The following DOCK3 variants were observed in gnomAD, a reference collection of about 807,000 sequenced individuals.
DOCK3 encodes dedicator of cytokinesis 3.
A neutral mutation model predicts 265.6 loss-of-function variants in DOCK3; 60 were observed. The ratio of observed to expected loss-of-function variants is 0.23; its 90% confidence interval spans 0.18 to 0.28. The LOEUF (loss-of-function observed/expected upper bound fraction) is 0.28, where lower values mean the gene tolerates loss of function less well. DOCK3 is among the 10% of genes least tolerant of loss of function. The pLI is 1.00. For synonymous variants in DOCK3, 881 were observed against 938.0 expected (o/e 0.94, Z 1.11); for missense variants, 1,981 against 2,594.3 (o/e 0.76, Z 5.14).
At chr3:51,023,212 A>G (rs1041136695) in intron 5 of DOCK3, among the ~76,000 whole-genome samples, 2 of 151,418 alleles carry the variant, frequency 1.3e-5, no homozygotes, top group African/African-American at 4.8e-5. Flanking sequence ...CATTTTATAT[A>G]ATCTCATATT....
intron 52 of DOCK3, 96 bp downstream of exon 52, chr3:51,380,303 C>T: frequency 8.5e-7 from 1 of 1,174,160 alleles, no homozygotes; most frequent in South Asian, 1.5e-5. Context: ...AACTGGAGCC[C>T]TCCCCTTCAC....
rs372982255 is a variant in DOCK3, at chr3:51,358,714, G to C, written c.4884+637G>C. Reference sequence around the variant, plus strand: ...AGGAGTCAAGCAGGTCCTGGGGCTGGACCAGGCTCCTGAAAGTCTCCCTAA... The same window carrying C: ...AGGAGTCAAGCAGGTCCTGGGGCTGCACCAGGCTCCTGAAAGTCTCCCTAA... On this transcript the variant is annotated intron_variant, in intron 46 of 52. Coordinates refer to ENST00000266037, the MANE Select transcript of DOCK3 (RefSeq NM_004947.5). 3.7e-4 allele frequency among the ~76,000 whole-genome samples: 57 copies of C among 152,278 alleles called. 1 individual carries two copies. In the South Asian group the frequency reaches 0.011, roughly 28 times the overall value.
At chr3:51,345,615 T>C (rs1207021947) in intron 38 of DOCK3, among the ~76,000 whole-genome samples, 1 of 149,216 alleles carries the variant, frequency 6.7e-6, no homozygotes, top group Non-Finnish European at 1.5e-5. Flanking sequence ...GAGCAAGACC[T>C]TGTTTCCAAA....
intron 5 of DOCK3, among the ~76,000 whole-genome samples, chr3:50,951,349 G>A (rs116674827): frequency 2.5e-3 from 384 of 152,224 alleles, no homozygotes; most frequent in African/African-American, 8.9e-3. Flanking sequence ...CAGTTCCCAG[G>A]AAGATTCACT....
chr3:50,869,846 A>T (rs2047352539), intron 3 of DOCK3, among the ~76,000 whole-genome samples: 1 of 152,102 alleles, frequency 6.6e-6, no homozygotes, highest in African/African-American at 2.4e-5. Context: ...CTTTCCAGAA[A>T]TTTGTCATTT....
chr3:50,863,700 C>T (rs1440647859), intron 3 of DOCK3, among the ~76,000 whole-genome samples: 2 of 152,162 alleles, frequency 1.3e-5, no homozygotes, highest in African/African-American at 4.8e-5. Flanking sequence ...CCTGGTCAGC[C>T]ATCTTGAGAA....
intron 22 of DOCK3, among the ~76,000 whole-genome samples, chr3:51,251,964 A>G (rs1359214886): frequency 6.6e-6 from 1 of 152,172 alleles, no homozygotes; most frequent in Non-Finnish European, 1.5e-5. Context: ...GGTATTGCCT[A>G]GGTTTTCTTC....
intron 5 of DOCK3, among the ~76,000 whole-genome samples, chr3:51,030,243 A>T (rs1418390149): frequency 6.6e-6 from 1 of 152,162 alleles, no homozygotes; most frequent in Non-Finnish European, 1.5e-5. Context: ...AGAAGAATTT[A>T]TGCTGTTCCT....
intron 5 of DOCK3, among the ~76,000 whole-genome samples, chr3:50,953,963 A>T (rs891122705): frequency 1.3e-5 from 2 of 152,134 alleles, no homozygotes; most frequent in African/African-American, 4.8e-5. Context: ...TTCAACTATC[A>T]TTAAGTGTAT....
chr3:51,004,255 G>A (rs867936401), intron 5 of DOCK3, among the ~76,000 whole-genome samples: 4 of 152,012 alleles, frequency 2.6e-5, no homozygotes, highest in South Asian at 4.2e-4. Context: ...CAGCTACCAC[G>A]TTGTGAGGCA....
chr3:51,089,352 G>A (rs2082549020), intron 8 of DOCK3, 68 bp downstream of exon 8: 1 of 1,526,152 alleles, frequency 6.6e-7, no homozygotes, highest in Non-Finnish European at 8.9e-7. Flanking sequence ...TACAACATAT[G>A]AATACACCAG....
At chr3:50,893,985 AG>A (rs1260007498) in intron 4 of DOCK3, among the ~76,000 whole-genome samples, 1 of 62,048 alleles carries the variant, frequency 1.6e-5, no homozygotes, top group Non-Finnish European at 2.9e-5. Context: ...AGGTGAGGGG[AG>A]GGGGGAGGGG....
chr3:50,784,389 A>C (rs1243794128), intron 2 of DOCK3, among the ~76,000 whole-genome samples: 1 of 152,114 alleles, frequency 6.6e-6, no homozygotes, highest in African/African-American at 2.4e-5. Context: ...TTATACTAGT[A>C]CCATGCTGTT....
At chr3:50,800,383 T>C (rs532153874) in intron 2 of DOCK3, among the ~76,000 whole-genome samples, 1 of 152,218 alleles carries the variant, frequency 6.6e-6, no homozygotes, top group East Asian at 1.9e-4. Context: ...ATTATTGTTA[T>C]TGGTTCAGAT....
chr3:51,380,993 G>A (rs1553618348), intron 52 of DOCK3, 57 bp from the exon 53 acceptor site: 2 of 1,524,976 alleles, frequency 1.3e-6, no homozygotes, highest in Non-Finnish European at 1.8e-6. Context: ...TCCTATGGCG[G>A]GCAAGTCAGC....
At chr3:50,976,562 A>C (rs1272983520) in intron 5 of DOCK3, among the ~76,000 whole-genome samples, 1 of 139,792 alleles carries the variant, frequency 7.2e-6, no homozygotes, top group Middle Eastern at 3.4e-3. Flanking sequence ...TTTACTTCCA[A>C]GTATTTGGTC....
Position 50,943,879 on chromosome 3 carries a change from A to T in DOCK3, c.315+9802A>T, listed in dbSNP as rs551076370. 3.9e-5 allele frequency among the ~76,000 whole-genome samples: 6 copies of T among 152,282 alleles called. No individual in the cohort carries two copies. In the East Asian group the frequency reaches 9.6e-4, roughly 24 times the overall value. On this transcript the variant is annotated intron_variant, in intron 5 of 52. Coordinates refer to ENST00000266037, the MANE Select transcript of DOCK3 (RefSeq NM_004947.5). ...TATCCACTTCTATGATAGGCTCATT[A>T]TTAGGTGTTAGTTTCTTATGCTATA...
rs577028433 is a variant in DOCK3 at position 51,230,612 on chromosome 3, G to A, written c.1917+1003G>A. The stretch of plus-strand genomic sequence containing the variant: ...GCTCACTGCAACCTCTGCCTGCCCG[G>A]TTCAAGCGATTCTCCTGCCTCAGGC... On this transcript the variant is annotated intron_variant, in intron 19 of 52. Coordinates refer to ENST00000266037, the MANE Select transcript of DOCK3 (RefSeq NM_004947.5). 2.0e-5 allele frequency among the ~76,000 whole-genome samples: 3 copies of A among 152,206 alleles called. No homozygotes were observed. In the East Asian group the frequency reaches 5.8e-4, roughly 29 times the overall value.
At chr3:51,263,801 A>T (rs1263654304) in intron 23 of DOCK3, among the ~76,000 whole-genome samples, 1 of 152,238 alleles carries the variant, frequency 6.6e-6, no homozygotes, top group African/African-American at 2.4e-5. Context: ...CTTTAAACCA[A>T]CAAAGATCAT....
Sources: gnomAD v4.1 joint callset for allele counts (sites outside exome capture counted in the v4.1 genomes callset) on GRCh38, gnomAD v4.1.1 for gene constraint, MANE v1.5 for transcripts, NCBI Gene and HGNC (gene_info 2026-07-23, HGNC 2026-07-21) for gene names.